NBPF10: variants seen among roughly 807,000 people sequenced by gnomAD.
The protein encoded by NBPF10 is NBPF member 10, also known as NBPF family member NBPF10.
NBPF10 carries 63 observed loss-of-function variants against 77.9 expected under a neutral mutation model. The observed-to-expected ratio is 0.81, with a 90% CI of 0.66 to 1.00. The LOEUF is 1.00. Ranked by LOEUF, NBPF10 falls within the 50% of genes least tolerant of loss-of-function variation. NBPF10 has a pLI of 0.00. For missense variants in NBPF10, 522 were observed against 679.8 expected, an observed-to-expected ratio of 0.77 and a Z score of 2.58; for synonymous variants, 146 against 264.5, an observed-to-expected ratio of 0.55 and a Z score of 4.35.
chr1:146,076,257 AC>A (rs1656032846), intron 77 of NBPF10, among the ~76,000 whole-genome samples: 1 of 11,620 alleles, frequency 8.6e-5, no homozygotes, highest in Non-Finnish European at 3.1e-4. Flanking sequence ...ACACACACAC[AC>A]ACACACACAC....
intron 11 of NBPF10, among the ~76,000 whole-genome samples, chr1:146,129,990 G>A (rs1158691337): frequency 1.0e-4 from 8 of 77,556 alleles, no homozygotes; most frequent in African/African-American, 4.3e-4. Flanking sequence ...CCACATTGGT[G>A]TGCTTCACCC....
rs1161050717 is a variant in NBPF10 at position 146,126,006 on chromosome 1, A to T, written c.2026+230T>A. ...CCAGATCCAACATCTTGAGAGTAGG[A>T]TTATGGTGCCACAGGCATGGCCTGA... is the stretch of plus-strand genomic sequence containing the variant. On this transcript the variant is annotated intron_variant, in intron 14 of 89. Transcript: ENST00000583866. Among the ~76,000 whole-genome samples the T allele has an allele frequency of 8.9e-4, 135 of 151,698 alleles. 4 individuals carry two copies. Among genetic ancestry groups the T allele is most frequent in the Non-Finnish European group, 1.6e-3 (112 of 67,886 alleles).
At chr1:146,069,451 CT>C (rs1655572444) in intron 86 of NBPF10, 91 bp downstream of exon 86, 1 of 573,252 alleles carries the variant, frequency 1.7e-6, no homozygotes, top group Non-Finnish European at 3.0e-6. Context: ...GCAATGACAT[CT>C]CTCAGCTCAG....
chr1:146,142,292 C>A (rs1361562340), intron 2 of NBPF10, among the ~76,000 whole-genome samples: 1 of 117,748 alleles, frequency 8.5e-6, no homozygotes, highest in Non-Finnish European at 1.9e-5. Context: ...AATGAGAAGA[C>A]GCAGTCAGTC....
intron 71 of NBPF10, among the ~76,000 whole-genome samples, chr1:146,081,030 CAGAGA>C (rs1207657363): frequency 9.3e-4 from 33 of 35,454 alleles, no homozygotes; most frequent in African/African-American, 1.8e-3. Flanking sequence ...CACACACACA[CAGAGA>C]GAGAGAGAGA....
In NBPF10 at chr1:146,073,137, A is replaced by T. The variant is rs1471476573; in HGVS notation, c.10131-236T>A. 5.6e-5 allele frequency among the ~76,000 whole-genome samples: 4 copies of T among 70,934 alleles called. 2 individuals are homozygous for T. Among genetic ancestry groups the T allele is most frequent in the Admixed American group, 3.1e-4 (2 of 6,496 alleles). The allele number at this position is 70,934 out of a possible 152,430, so 46.5% of individuals were successfully genotyped here. ...AGGGAGGAGAAAGTGAGCTCAGCGA[A>T]TTGGCCGGGTGACACACTGATGAAG... On this transcript the variant is annotated intron_variant, in intron 81 of 89. Coordinates refer to ENST00000583866, the Ensembl canonical transcript of NBPF10.
At chr1:146,136,063 A>G (rs1468228927) in intron 7 of NBPF10, among the ~76,000 whole-genome samples, 1 of 148,418 alleles carries the variant, frequency 6.7e-6, no homozygotes, top group East Asian at 2.0e-4. Context: ...TTTTGAGTAT[A>G]CTGAATGCTG....
rs6673414 is a variant in NBPF10 at position 146,139,003 on chromosome 1, C to T, written c.779-558G>A. Among the ~76,000 whole-genome samples the T allele has an allele frequency of 1.3e-4, 18 of 136,536 alleles. No individual in the cohort carries two copies. In the South Asian group the frequency reaches 1.5e-3, roughly 12 times the overall value. The allele number at this position is 136,536 out of a possible 152,430, so 89.6% of individuals were successfully genotyped here. A position where few individuals can be genotyped will look rare whatever the true frequency, so the allele number is the denominator to read the frequency against. On this transcript the variant is annotated intron_variant, in intron 5 of 89. Transcript: ENST00000583866. ...TTCGCCATCTTGGACAGGCTGGTTT[C>T]GAACTCCTGAGCTCAGGTGTTCCGC...
rs1251535366 is a variant in NBPF10 at position 146,126,142 on chromosome 1, A to C, written c.2026+94T>G. The C allele has an allele frequency of 6.1e-6, 5 of 819,896 alleles. No homozygotes were observed. In the African/African-American group the frequency reaches 8.4e-5, roughly 14 times the overall value. The allele number at this position is 819,896 out of a possible 1,614,324, so 50.8% of individuals were successfully genotyped here. On this transcript the variant is annotated intron_variant, in intron 14 of 89. Transcript: ENST00000583866. ...TATAGGTCCTCCCTGTGGCAATGAC[A>C]TCTCTCAGCTCAGTAACGGCCACTT...
At position 146,136,465 on chromosome 1, in the gene NBPF10, G is replaced by A; in HGVS notation, c.989-10C>T. The A allele has an allele frequency of 6.2e-7, 1 of 1,612,262 alleles. No individual in the cohort carries two copies. The highest frequency in any genetic ancestry group is 8.5e-7 in the Non-Finnish European group (1 of 1,179,840). On this transcript the variant is annotated splice_polypyrimidine_tract_variant and intron_variant, in intron 6 of 89. Coordinates refer to ENST00000583866, the Ensembl canonical transcript of NBPF10. ...TTGCACTCTTCATATTCTGAGAAAA[G>A]ACAGACACACCTGCCTCAGTGGAAG... is the stretch of plus-strand genomic sequence containing the variant.
chr1:146,137,361 T>A (rs7545002), intron 6 of NBPF10, among the ~76,000 whole-genome samples: 1 of 58,698 alleles, frequency 1.7e-5, no homozygotes, highest in Non-Finnish European at 4.1e-5. Context: ...ACCAAGCTAC[T>A]CTCTGCTTTT....
intron 89 of NBPF10, among the ~76,000 whole-genome samples, chr1:146,066,865 C>A (rs1245460364): frequency 6.6e-6 from 1 of 150,816 alleles, no homozygotes; most frequent in Non-Finnish European, 1.5e-5. Context: ...ACTTAGTGCC[C>A]TCATGACACA....
At position 146,067,062 on chromosome 1, in the gene NBPF10, C is replaced by G. The variant is rs1335168142; in HGVS notation, c.11144+118G>C. On this transcript the variant is annotated intron_variant, in intron 89 of 89. Transcript: ENST00000583866. Reference sequence around the variant, plus strand: ...CTGCAATGAAAACCAACAGCAATGACAGTAGGAGTAATTCAGCCTTCGTTG... The same window carrying G: ...CTGCAATGAAAACCAACAGCAATGAGAGTAGGAGTAATTCAGCCTTCGTTG... 2.1e-5 allele frequency: 12 copies of G among 568,900 alleles called. 2 individuals are homozygous for G. Among genetic ancestry groups the G allele is most frequent in the African/African-American group, 9.3e-5 (5 of 53,862 alleles). The allele number at this position is 568,900 out of a possible 1,614,324, so 35.2% of individuals were successfully genotyped here.
chr1:146,129,845 C>CT lies in NBPF10; in HGVS notation c.1638-1564dup, dbSNP rs1333718846. Among the ~76,000 whole-genome samples, 676 of 70,062 alleles carry CT rather than the reference C, an allele frequency of 9.6e-3. 40 individuals carry two copies. Among genetic ancestry groups the CT allele is most frequent in the Admixed American group, 0.012 (82 of 6,562 alleles). 46.0% of individuals were successfully genotyped at this position (70,062 alleles called of 152,430 possible). On this transcript the variant is annotated intron_variant, in intron 11 of 89. Coordinates refer to ENST00000583866, the Ensembl canonical transcript of NBPF10. ...GAGAGTGGGAGCAATATTCAACATT[C>CT]TTTTTTTTTTCCATATGTATAGTTT...
chr1:146,142,820 G>A, intron 1 of NBPF10, 68 bp from the exon 2 acceptor site: 4 of 845,098 alleles, frequency 4.7e-6, no homozygotes, highest in Non-Finnish European at 7.5e-6. Context: ...CTGCCTACAG[G>A]GCAGGAGCCA....
chr1:146,139,420 A>G (rs1289951607), intron 5 of NBPF10, among the ~76,000 whole-genome samples: 1 of 151,440 alleles, frequency 6.6e-6, no homozygotes, highest in African/African-American at 2.4e-5. Context: ...AGACTTATTA[A>G]TAGCTAAGAC....
intron 4 of NBPF10, among the ~76,000 whole-genome samples, 151 bp downstream of exon 4, chr1:146,140,333 C>G (rs1330888001): frequency 1.6e-5 from 2 of 126,568 alleles, no homozygotes; most frequent in Non-Finnish European, 3.7e-5. Flanking sequence ...ACGACAGCTG[C>G]CGCACCCTGT....
At chr1:146,067,949 C>A (rs1469035133) in intron 88 of NBPF10, 54 bp downstream of exon 88, 7 of 650,070 alleles carry the variant, frequency 1.1e-5, no homozygotes, top group African/African-American at 2.2e-5. Context: ...AGGAATATCA[C>A]CCCTATCTGG....
At chr1:146,066,835 G>C (rs1204671998) in intron 89 of NBPF10, among the ~76,000 whole-genome samples, 3 of 151,708 alleles carry the variant, frequency 2.0e-5, no homozygotes, top group Non-Finnish European at 4.4e-5. Flanking sequence ...ATACTGGTAA[G>C]GGAGTCAAAG....
Sources: allele counts gnomAD v4.1 joint callset (sites outside exome capture counted in the v4.1 genomes callset), GRCh38; gene constraint gnomAD v4.1.1; transcripts MANE v1.5; gene names NCBI Gene and HGNC (gene_info 2026-07-23, HGNC 2026-07-21).